The following GRID2 variants were observed in gnomAD, a reference collection of about 807,000 sequenced individuals.
The protein encoded by GRID2 is glutamate receptor ionotropic, delta-2.
In GRID2, 33 loss-of-function variants were observed where a neutral mutation model predicts 114.8. The ratio of observed to expected loss-of-function variants is 0.29; its 90% CI spans 0.22 to 0.38. The LOEUF (loss-of-function observed/expected upper bound fraction) is 0.38, where lower values mean the gene tolerates loss of function less well. Ranked by LOEUF, GRID2 falls within the 10% of genes least tolerant of loss-of-function variation. The pLI, the probability that GRID2 is intolerant of heterozygous loss-of-function variation, is 1.00. For missense variants in GRID2, 1,184 were observed against 1,257.7 expected (o/e 0.94, Z 0.89); for synonymous variants, 505 against 449.9 (o/e 1.12, Z -1.55).
chr4:93,166,368 A>G (rs1273341083), intron 4 of GRID2, among the ~76,000 whole-genome samples: 4 of 152,164 alleles, frequency 2.6e-5, no homozygotes, highest in Non-Finnish European at 5.9e-5. Flanking sequence ...TTTGGAGAAC[A>G]TCACCTGTGG....
chr4:92,586,687 A>C (rs1260195259), intron 1 of GRID2, among the ~76,000 whole-genome samples: 1 of 151,966 alleles, frequency 6.6e-6, no homozygotes, highest in Non-Finnish European at 1.5e-5. Context: ...ATTGTAATTA[A>C]GTTGACAATT....
chr4:93,223,211 T>C (rs1210036979), intron 6 of GRID2, among the ~76,000 whole-genome samples: 1 of 152,150 alleles, frequency 6.6e-6, no homozygotes, highest in Non-Finnish European at 1.5e-5. Flanking sequence ...CTAGTAATTA[T>C]CAGGCAAAAT....
intron 4 of GRID2, among the ~76,000 whole-genome samples, chr4:93,126,723 G>C (rs571157735): frequency 1.4e-5 from 2 of 141,652 alleles, no homozygotes; most frequent in Non-Finnish European, 3.0e-5. Context: ...TCAGCCTCCC[G>C]AGTAGCTGGG....
At chr4:93,173,260 GA>G (rs1224382442) in intron 4 of GRID2, among the ~76,000 whole-genome samples, 1 of 152,036 alleles carries the variant, frequency 6.6e-6, no homozygotes, top group Non-Finnish European at 1.5e-5. Context: ...TATTAAAGTG[GA>G]AAAAAACAGT....
chr4:93,540,039 T>C (rs540932291), intron 13 of GRID2, among the ~76,000 whole-genome samples: 2 of 152,114 alleles, frequency 1.3e-5, no homozygotes, highest in East Asian at 1.9e-4. Context: ...CTAGTATTTA[T>C]ATTTAAAGCC....
chr4:93,509,052 A>G (rs527464713), intron 12 of GRID2, among the ~76,000 whole-genome samples: 1 of 152,270 alleles, frequency 6.6e-6, no homozygotes, highest in African/African-American at 2.4e-5. Context: ...TTTTGAAGGA[A>G]CTTGAAGGCT....
intron 2 of GRID2, among the ~76,000 whole-genome samples, chr4:92,748,704 C>T (rs989689986): frequency 3.4e-5 from 5 of 149,006 alleles, no homozygotes; most frequent in African/African-American, 1.2e-4. Flanking sequence ...CTCTGTTGCC[C>T]AGGCTGGAGT....
At chr4:92,584,630 C>A (rs1277969601) in intron 1 of GRID2, among the ~76,000 whole-genome samples, 4 of 151,966 alleles carry the variant, frequency 2.6e-5, no homozygotes, top group African/African-American at 4.8e-5. Context: ...AATTTTATAA[C>A]CTTCATGGCT....
At chr4:92,853,806 C>A (rs1661901887) in intron 2 of GRID2, among the ~76,000 whole-genome samples, 1 of 151,786 alleles carries the variant, frequency 6.6e-6, no homozygotes, top group South Asian at 2.1e-4. Context: ...CACATGTACA[C>A]AAACATGACA....
At chr4:92,595,509 A>G (rs1200708026) in intron 2 of GRID2, among the ~76,000 whole-genome samples, 1 of 152,018 alleles carries the variant, frequency 6.6e-6, no homozygotes, top group Non-Finnish European at 1.5e-5. Context: ...CCTTACGACT[A>G]CTTCTTTGCA....
At chr4:93,679,811 C>T (rs1166237292) in intron 14 of GRID2, among the ~76,000 whole-genome samples, 2 of 150,364 alleles carry the variant, frequency 1.3e-5, no homozygotes, top group Non-Finnish European at 3.0e-5. Flanking sequence ...ACTAAATGCC[C>T]ACAAGAGAAA....
At chr4:92,675,964 A>G (rs1733336451) in intron 2 of GRID2, among the ~76,000 whole-genome samples, 1 of 152,002 alleles carries the variant, frequency 6.6e-6, no homozygotes, top group African/African-American at 2.4e-5. Context: ...ATACAGCCCT[A>G]CGCTATATGT....
intron 2 of GRID2, among the ~76,000 whole-genome samples, chr4:93,059,058 C>T (rs1394081418): frequency 6.6e-6 from 1 of 151,954 alleles, no homozygotes; most frequent in Non-Finnish European, 1.5e-5. Context: ...AATTCTATCT[C>T]TAGAAACACC....
chr4:92,829,849 A>G (rs892414681), intron 2 of GRID2, among the ~76,000 whole-genome samples: 1 of 152,058 alleles, frequency 6.6e-6, no homozygotes, highest in African/African-American at 2.4e-5. Context: ...ACCAAACGCC[A>G]CATGTTCTCA....
intron 8 of GRID2, among the ~76,000 whole-genome samples, chr4:93,319,337 A>C (rs1286695214): frequency 1.3e-5 from 2 of 152,100 alleles, no homozygotes; most frequent in Non-Finnish European, 2.9e-5. Flanking sequence ...GTTTTATTTC[A>C]TAAGAAAATA....
At chr4:93,448,314 A>G (rs758859152) in intron 10 of GRID2, among the ~76,000 whole-genome samples, 2 of 151,950 alleles carry the variant, frequency 1.3e-5, no homozygotes, top group Non-Finnish European at 2.9e-5. Context: ...AAAAGTGCAA[A>G]TCTTTCTAGA....
At chr4:92,963,712 C>T (rs939044185) in intron 2 of GRID2, among the ~76,000 whole-genome samples, 1 of 152,112 alleles carries the variant, frequency 6.6e-6, no homozygotes. Context: ...CCATGAATCA[C>T]AAATGTTCTA....
chr4:92,603,081 C>A (rs1038861108), intron 2 of GRID2, among the ~76,000 whole-genome samples: 1 of 152,094 alleles, frequency 6.6e-6, no homozygotes, highest in African/African-American at 2.4e-5. Context: ...ACATTCCATG[C>A]TCATGGATAG....
rs1349978993 is a variant in GRID2, at chr4:93,621,122, TA to T, written c.2194-5146del. 5.9e-5 allele frequency among the ~76,000 whole-genome samples: 9 copies of T among 152,140 alleles called. No homozygotes were observed. The East Asian group carries it at 1.7e-3, about 29-fold the overall frequency. ...TTTAGAGTTAATGTGTAATGATTGT[TA>T]GTAAAATTGAATTTAAACAACAACT... On this transcript the variant is annotated intron_variant, in intron 13 of 15. Transcript: ENST00000282020.
Sources: gnomAD v4.1 joint callset for allele counts (sites outside exome capture counted in the v4.1 genomes callset) on GRCh38, gnomAD v4.1.1 for gene constraint, MANE v1.5 for transcripts, NCBI Gene and HGNC (gene_info 2026-07-23, HGNC 2026-07-21) for gene names.